Variants in CCDC60 observed in about 807,000 individuals in gnomAD.
The protein encoded by CCDC60 is coiled-coil domain-containing protein 60.
A neutral mutation model predicts 63.5 loss-of-function variants in CCDC60; 54 were observed. The observed-to-expected ratio is 0.85, with a 90% CI of 0.68 to 1.07. CCDC60 has a LOEUF of 1.07. Ranked by LOEUF, CCDC60 falls within the 50% of genes least tolerant of loss-of-function variation. The probability of loss-of-function intolerance (pLI) is 0.00; values close to 1 mark genes in which losing one functional copy is unlikely to be tolerated. For missense variants in CCDC60, 651 were observed against 684.3 expected (o/e 0.95, Z 0.54); for synonymous variants, 206 against 238.8 (o/e 0.86, Z 1.27).
At chr12:119,385,483 T>A (rs1002497603) in intron 1 of CCDC60, among the ~76,000 whole-genome samples, 3 of 152,124 alleles carry the variant, frequency 2.0e-5, no homozygotes. Flanking sequence ...TTATAAAGGG[T>A]TTCCCCCTTT....
chr12:119,449,039 G>C (rs1009068949), intron 2 of CCDC60, among the ~76,000 whole-genome samples: 1 of 152,208 alleles, frequency 6.6e-6, no homozygotes, highest in Non-Finnish European at 1.5e-5. Context: ...ATTTTAGGTT[G>C]CTGTCACTGT....
At position 119,500,165 on chromosome 12, in the gene CCDC60, A is replaced by G; in HGVS notation, c.645A>G (p.Pro215=). ...AATGGGAGCATTTCATCACAGCGCCAAAGGTAACCAACAACACGCGACTCA... is the reference window on the plus strand; with the variant it reads ...AATGGGAGCATTTCATCACAGCGCCGAAGGTAACCAACAACACGCGACTCA... ...GQKWEHFITA[P]KTKKFKIPTM... is the part of the protein sequence containing the mutation. The change falls in exon 6 of 14, where the codon CCA becomes CCG. Residue 215 remains proline (P), a synonymous_variant. Transcript: ENST00000327554. 1 of 1,606,334 alleles carries G rather than the reference A, an allele frequency of 6.2e-7. No individual in the cohort carries two copies. Among genetic ancestry groups the G allele is most frequent in the Non-Finnish European group, 8.5e-7 (1 of 1,174,668 alleles).
intron 2 of CCDC60, among the ~76,000 whole-genome samples, chr12:119,438,074 C>A (rs1015452941): frequency 6.6e-6 from 1 of 152,170 alleles, no homozygotes; most frequent in Non-Finnish European, 1.5e-5. Context: ...AAGTTAATTG[C>A]GGTTTTATCA....
rs1951919729 is a variant in CCDC60, at chr12:119,503,822, T to C, written c.649-1247T>C. ...ATACAATTCTCTCCACCCTGCGCAATGTGTATTAAATGTTGGTGTGGTCTT... is the reference window on the plus strand; with the variant it reads ...ATACAATTCTCTCCACCCTGCGCAACGTGTATTAAATGTTGGTGTGGTCTT... On this transcript the variant is annotated intron_variant, in intron 6 of 13. Transcript: ENST00000327554. Among the ~76,000 whole-genome samples, 8 of 152,194 alleles carry C rather than the reference T, an allele frequency of 5.3e-5. No individual in the cohort carries two copies. In the South Asian group the frequency reaches 1.7e-3, roughly 32 times the overall value.
At chr12:119,479,054 C>T in intron 3 of CCDC60, 40 bp from the exon 4 acceptor site, 1 of 1,414,214 alleles carries the variant, frequency 7.1e-7, no homozygotes, top group Non-Finnish European at 1.0e-6. Context: ...AAAGCTACTG[C>T]TCATTGTTCA....
chr12:119,516,549 G>A (rs1952359118), intron 7 of CCDC60, 74 bp from the exon 8 acceptor site: 1 of 1,012,384 alleles, frequency 9.9e-7, no homozygotes, highest in Non-Finnish European at 1.5e-6. Flanking sequence ...AGTTTGGGGG[G>A]CTGCACCCTG....
At chr12:119,404,649 G>A (rs1956453585) in intron 1 of CCDC60, among the ~76,000 whole-genome samples, 1 of 152,210 alleles carries the variant, frequency 6.6e-6, no homozygotes, top group African/African-American at 2.4e-5. Context: ...GAAGGTCCTG[G>A]TTAGTTGCCA....
chr12:119,540,700 C>T lies in CCDC60; in HGVS notation c.1638C>T (p.Tyr546=), dbSNP rs746886426. 1.2e-6 allele frequency: 2 copies of T among 1,613,310 alleles called. No individual in the cohort carries two copies. The highest frequency in any genetic ancestry group is 1.7e-6 in the Non-Finnish European group (2 of 1,179,602). The part of the protein sequence containing the change: ...QSRINIPIGP[Y]SALR ...GGATCAACATACCCATTGGGCCCTA[C>T]AGCGCCCTGAGGTAGGCTGGGCCTG... The change falls in exon 14 of 14, where the codon TAC becomes TAT. Residue 546 remains tyrosine (Y), a synonymous_variant. Coordinates refer to ENST00000327554, the MANE Select transcript of CCDC60 (RefSeq NM_178499.5).
At chr12:119,393,229 A>C (rs1348971043) in intron 1 of CCDC60, among the ~76,000 whole-genome samples, 1 of 152,122 alleles carries the variant, frequency 6.6e-6, no homozygotes, top group African/African-American at 2.4e-5. Flanking sequence ...TTAAATCTCT[A>C]ATTAGACAAA....
At chr12:119,525,538 A>C (rs1242370260) in intron 11 of CCDC60, among the ~76,000 whole-genome samples, 1 of 152,240 alleles carries the variant, frequency 6.6e-6, no homozygotes, top group Non-Finnish European at 1.5e-5. Context: ...TTTCATATCC[A>C]GACAAACTAA....
At chr12:119,407,021 G>A (rs1270011507) in intron 1 of CCDC60, among the ~76,000 whole-genome samples, 1 of 152,168 alleles carries the variant, frequency 6.6e-6, no homozygotes, top group African/African-American at 2.4e-5. Context: ...CTTGTCATGA[G>A]AGGTGCCAGA....
intron 1 of CCDC60, among the ~76,000 whole-genome samples, chr12:119,364,275 G>C (rs1363867344): frequency 6.6e-6 from 1 of 151,970 alleles, no homozygotes; most frequent in Non-Finnish European, 1.5e-5. Context: ...AGTTCAATGA[G>C]ATTTGACGAT....
intron 5 of CCDC60, among the ~76,000 whole-genome samples, chr12:119,493,331 G>C (rs1394701566): frequency 6.6e-6 from 1 of 152,098 alleles, no homozygotes; most frequent in Non-Finnish European, 1.5e-5. Context: ...GAAAGTCGGA[G>C]TGGTTCGATA....
chr12:119,369,782 G>A (rs2136174445), intron 1 of CCDC60, among the ~76,000 whole-genome samples: 1 of 152,166 alleles, frequency 6.6e-6, no homozygotes, highest in East Asian at 1.9e-4. Flanking sequence ...ATTGCCTGCT[G>A]CCTCCCAGTA....
intron 2 of CCDC60, among the ~76,000 whole-genome samples, chr12:119,471,721 G>A (rs144510725): frequency 2.2e-3 from 334 of 152,228 alleles, no homozygotes; most frequent in African/African-American, 7.6e-3. Flanking sequence ...GGCACGCTCA[G>A]AGATTATTGG....
intron 2 of CCDC60, among the ~76,000 whole-genome samples, chr12:119,463,656 C>T (rs755724709): frequency 5.3e-5 from 8 of 152,228 alleles, no homozygotes; most frequent in Non-Finnish European, 1.0e-4. Context: ...CCAACAGTGC[C>T]GAGTTCACCT....
intron 5 of CCDC60, among the ~76,000 whole-genome samples, chr12:119,493,852 T>C (rs576831135): frequency 6.6e-6 from 1 of 152,330 alleles, no homozygotes; most frequent in South Asian, 2.1e-4. Flanking sequence ...TTTTGTTTTG[T>C]TTTGTTTTTG....
intron 1 of CCDC60, among the ~76,000 whole-genome samples, chr12:119,353,524 CTCTG>C (rs1955680337): frequency 2.6e-5 from 4 of 151,598 alleles, no homozygotes; most frequent in Admixed American, 2.6e-4. Context: ...ATTTCTCTCT[CTCTG>C]TCTCTCATTC....
At chr12:119,352,106 C>A (rs758184088) in intron 1 of CCDC60, among the ~76,000 whole-genome samples, 4 of 152,204 alleles carry the variant, frequency 2.6e-5, no homozygotes, top group Admixed American at 6.5e-5. Context: ...GCAAGCACAT[C>A]TTCACATGGC....
Sources: allele counts gnomAD v4.1 joint callset (sites outside exome capture counted in the v4.1 genomes callset), GRCh38; gene constraint gnomAD v4.1.1; transcripts MANE v1.5; gene names NCBI Gene and HGNC (gene_info 2026-07-23, HGNC 2026-07-21).